Variants in PHF21A observed in about 807,000 individuals in gnomAD.
PHF21A encodes the protein BHC80a.
Under a neutral mutation model 82.5 loss-of-function variants are expected in PHF21A, and 11 were observed. The observed-to-expected ratio is 0.13, with a 90% CI of 0.08 to 0.22. The LOEUF (loss-of-function observed/expected upper bound fraction) is 0.22, where lower values mean the gene tolerates loss of function less well. PHF21A is among the 10% of genes least tolerant of loss of function. The probability of loss-of-function intolerance (pLI) is 1.00; values close to 1 mark genes in which losing one functional copy is unlikely to be tolerated. For synonymous variants in PHF21A, 297 were observed against 302.8 expected, an observed-to-expected ratio of 0.98 and a Z score of 0.20; for missense variants, 579 against 837.8, an observed-to-expected ratio of 0.69 and a Z score of 3.81.
Position 45,931,584 on chromosome 11 carries a change from C to CT in PHF21A, c.*2383dup, listed in dbSNP as rs2087657678. 6.6e-6 allele frequency: 1 copy of CT among 152,230 alleles called. No homozygotes were observed. Among genetic ancestry groups the CT allele is most frequent in the Non-Finnish European group, 1.5e-5 (1 of 68,060 alleles). 9.4% of individuals were successfully genotyped at this position (152,230 alleles called of 1,614,324 possible). On this transcript the variant is annotated 3_prime_UTR_variant, in exon 19 of 19. Transcript: ENST00000676320. ...TGATAGAGATGAGACACATTTTACTCTAAGAAGTGTCTCTTCTCTGTTGCA... is the reference window on the plus strand; with the variant it reads ...TGATAGAGATGAGACACATTTTACTCTTAAGAAGTGTCTCTTCTCTGTTGCA...
chr11:45,992,175 C>G (rs990789927), intron 6 of PHF21A, among the ~76,000 whole-genome samples: 1 of 152,014 alleles, frequency 6.6e-6, no homozygotes, highest in African/African-American at 2.4e-5. Context: ...CAGTTTTCAA[C>G]CCTCAGACGG....
chr11:46,099,937 A>T (rs1049202826), intron 1 of PHF21A, among the ~76,000 whole-genome samples: 3 of 152,174 alleles, frequency 2.0e-5, no homozygotes, highest in Non-Finnish European at 4.4e-5. Context: ...TACATTTTTT[A>T]AAAAATCTTT....
intron 1 of PHF21A, among the ~76,000 whole-genome samples, chr11:46,102,841 G>GAT (rs1364196082): frequency 1.3e-5 from 2 of 152,220 alleles, no homozygotes; most frequent in Non-Finnish European, 2.9e-5. Flanking sequence ...TTAAGGTTTT[G>GAT]ATAATAGCTC....
chr11:45,965,681 C>A, intron 9 of PHF21A, 73 bp from the exon 10 acceptor site: 1 of 1,144,592 alleles, frequency 8.7e-7, no homozygotes, highest in Non-Finnish European at 1.2e-6. Flanking sequence ...ATCTTCCACA[C>A]TCTATGTATG....
chr11:45,965,636 G>A (rs1348437513), intron 9 of PHF21A, 28 bp from the exon 10 acceptor site: 2 of 1,499,468 alleles, frequency 1.3e-6, no homozygotes. Flanking sequence ...AATAATTATT[G>A]TATTACTTAA....
At chr11:45,940,023 CCTTT>C (rs1469005944) in intron 15 of PHF21A, among the ~76,000 whole-genome samples, 1 of 151,982 alleles carries the variant, frequency 6.6e-6, no homozygotes, top group Non-Finnish European at 1.5e-5. Context: ...GTGAATCCTT[CCTTT>C]CTATGATGTA....
At chr11:46,111,909 C>G (rs1269910509) in intron 1 of PHF21A, among the ~76,000 whole-genome samples, 1 of 152,218 alleles carries the variant, frequency 6.6e-6, no homozygotes, top group Middle Eastern at 3.2e-3. Context: ...GTACATGCTT[C>G]TAAACACAAC....
intron 7 of PHF21A, among the ~76,000 whole-genome samples, chr11:45,971,893 T>TCTTC (rs1555026010): frequency 1.1e-5 from 1 of 91,986 alleles, no homozygotes; most frequent in African/African-American, 3.7e-5. Context: ...TTTCTTTCTT[T>TCTTC]TTTTTTTTTT....
chr11:45,953,376 G>A, intron 11 of PHF21A, 151 bp downstream of exon 11: 1 of 635,696 alleles, frequency 1.6e-6, no homozygotes, highest in Non-Finnish European at 2.9e-6. Flanking sequence ...AGACCAATCT[G>A]ACTTGGCAAT....
At chr11:46,095,126 C>G (rs951445476) in intron 1 of PHF21A, among the ~76,000 whole-genome samples, 1 of 151,858 alleles carries the variant, frequency 6.6e-6, no homozygotes, top group East Asian at 1.9e-4. Flanking sequence ...CTGTGCACAT[C>G]AGAAATCCCA....
At chr11:46,075,695 C>A (rs183999088) in intron 6 of PHF21A, among the ~76,000 whole-genome samples, 4 of 152,292 alleles carry the variant, frequency 2.6e-5, no homozygotes, top group Admixed American at 2.6e-4. Context: ...AGCAGTTGTT[C>A]ACTCAGCTTG....
intron 10 of PHF21A, among the ~76,000 whole-genome samples, chr11:45,958,445 T>C (rs188298152): frequency 0.039 from 598 of 15,308 alleles, 17 homozygotes; most frequent in East Asian, 0.052. Context: ...TATATATATA[T>C]ATATACACAC....
intron 6 of PHF21A, among the ~76,000 whole-genome samples, chr11:46,036,150 G>C (rs1378916273): frequency 1.3e-5 from 2 of 152,228 alleles, no homozygotes; most frequent in East Asian, 3.8e-4. Flanking sequence ...TTTCGGAGAT[G>C]AGTGAAAGGG....
At chr11:46,054,385 A>G (rs1209088384) in intron 6 of PHF21A, among the ~76,000 whole-genome samples, 2 of 152,182 alleles carry the variant, frequency 1.3e-5, no homozygotes, top group African/African-American at 4.8e-5. Flanking sequence ...TGCTATGTCA[A>G]ATTGGCTTGG....
intron 2 of PHF21A, among the ~76,000 whole-genome samples, chr11:46,091,099 TA>T (rs1274306184): frequency 5.9e-5 from 9 of 152,098 alleles, no homozygotes; most frequent in Non-Finnish European, 1.3e-4. Flanking sequence ...GTGCCTCCAT[TA>T]AACATGTTCA....
chr11:45,935,087 C>T (rs1019265510), intron 18 of PHF21A: 13 of 1,285,708 alleles, frequency 1.0e-5, no homozygotes, highest in Non-Finnish European at 1.3e-5. Flanking sequence ...AACCCTCTTT[C>T]CCACTTGGAC....
At chr11:46,108,359 T>G (rs936505476) in intron 1 of PHF21A, among the ~76,000 whole-genome samples, 2 of 152,020 alleles carry the variant, frequency 1.3e-5, no homozygotes, top group Non-Finnish European at 2.9e-5. Flanking sequence ...GACCATTTCC[T>G]AAAGCATGAG....
chr11:46,000,608 T>C (rs1406919815), intron 6 of PHF21A, among the ~76,000 whole-genome samples: 6 of 152,216 alleles, frequency 3.9e-5, no homozygotes, highest in Non-Finnish European at 5.9e-5. Flanking sequence ...CCAACCCCTC[T>C]GAAACATTCC....
chr11:46,092,938 T>C (rs1370260575), intron 1 of PHF21A, among the ~76,000 whole-genome samples: 1 of 152,010 alleles, frequency 6.6e-6, no homozygotes, highest in East Asian at 1.9e-4. Flanking sequence ...TATTTTTTTG[T>C]AGAGTCAGGC....
Sources: gnomAD v4.1 joint callset for allele counts (sites outside exome capture counted in the v4.1 genomes callset) on GRCh38, gnomAD v4.1.1 for gene constraint, MANE v1.5 for transcripts, NCBI Gene and HGNC (gene_info 2026-07-23, HGNC 2026-07-21) for gene names.